Variants in HIVEP2 observed in about 807,000 individuals in gnomAD.
HIVEP2 encodes transcription factor HIVEP2.
HIVEP2 carries 14 observed loss-of-function variants against 180.7 expected under a neutral mutation model. The observed-to-expected ratio is 0.08, with a 90% confidence interval of 0.05 to 0.12. The LOEUF (loss-of-function observed/expected upper bound fraction) is 0.12. Ranked by LOEUF, HIVEP2 falls within the 10% of genes least tolerant of loss-of-function variation. The pLI, the probability that HIVEP2 is intolerant of heterozygous loss-of-function variation, is 1.00. For missense variants in HIVEP2, 2,579 were observed against 3,008.5 expected (o/e 0.86, Z 3.34); for synonymous variants, 1,184 against 1,136.4 (o/e 1.04, Z -0.84).
chr6:142,928,236 A>G (rs1248091858), intron 1 of HIVEP2, among the ~76,000 whole-genome samples: 2 of 152,204 alleles, frequency 1.3e-5, no homozygotes, highest in Non-Finnish European at 2.9e-5. Context: ...GAGAAGCTAA[A>G]ACTACCCTAA....
chr6:142,762,070 C>T (rs1775256496), intron 7 of HIVEP2, among the ~76,000 whole-genome samples: 1 of 152,176 alleles, frequency 6.6e-6, no homozygotes, highest in Non-Finnish European at 1.5e-5. Context: ...AAGAAAAATA[C>T]ATACAAACTA....
intron 1 of HIVEP2, among the ~76,000 whole-genome samples, chr6:142,852,361 C>G (rs1208718714): frequency 2.0e-5 from 3 of 151,946 alleles, no homozygotes; most frequent in African/African-American, 7.3e-5. Context: ...ATTATTTATT[C>G]AACAAACAAT....
intron 1 of HIVEP2, among the ~76,000 whole-genome samples, chr6:142,930,070 A>G (rs1269956921): frequency 6.6e-6 from 1 of 151,832 alleles, no homozygotes; most frequent in Non-Finnish European, 1.5e-5. Flanking sequence ...CTCCCAAGAT[A>G]TGTGATGACA....
At chr6:142,849,517 A>ATTTAT (rs1775595260) in intron 1 of HIVEP2, among the ~76,000 whole-genome samples, 2 of 131,710 alleles carry the variant, frequency 1.5e-5, no homozygotes, top group African/African-American at 5.1e-5. Context: ...TTATTTATTT[A>ATTTAT]TTTTTTTTTT....
At position 142,772,868 on chromosome 6, in the gene HIVEP2, T is replaced by G. The variant is rs1440975030; in HGVS notation, c.1871A>C (p.Lys624Thr). 6.2e-7 allele frequency: 1 copy of G among 1,614,082 alleles called. No individual in the cohort carries two copies. Among genetic ancestry groups the G allele is most frequent in the East Asian group, 2.2e-5 (1 of 44,900 alleles). The change falls in exon 5 of 10, where the codon AAG (lysine) becomes ACG (threonine). Residue 624 changes from lysine to threonine, a missense_variant. Coordinates refer to ENST00000367603, the MANE Select transcript of HIVEP2 (RefSeq NM_006734.4). The surrounding 1 kb of genome is among the most constrained non-coding windows in gnomAD (Gnocchi z 4.9). The stretch of plus-strand genomic sequence containing the variant: ...GTCCCCAGGAGACAATTTCTTTTCC[T>G]TCAGGGATGAACTGCTGATACCCTT... ...MLKGISSSSLKEKKLSPGDRV... is the reference protein window; with the variant it reads ...MLKGISSSSLTEKKLSPGDRV...
chr6:142,856,417 A>C (rs1462320053), intron 1 of HIVEP2, among the ~76,000 whole-genome samples: 1 of 152,234 alleles, frequency 6.6e-6, no homozygotes, highest in Non-Finnish European at 1.5e-5. Flanking sequence ...AGTCATATGC[A>C]AGGAGTTGAC....
chr6:142,810,102 G>A (rs151001832), intron 2 of HIVEP2, among the ~76,000 whole-genome samples: 217 of 152,096 alleles, frequency 1.4e-3, no homozygotes, highest in Admixed American at 5.1e-3. Context: ...ACATCACATC[G>A]TCCATAGGGA....
chr6:142,921,882 A>G (rs1777690965), intron 1 of HIVEP2, among the ~76,000 whole-genome samples: 1 of 152,218 alleles, frequency 6.6e-6, no homozygotes, highest in Admixed American at 6.5e-5. Flanking sequence ...ATCACCCTAA[A>G]TAGCAAATGA....
At chr6:142,832,401 C>G (rs945814811) in intron 2 of HIVEP2, among the ~76,000 whole-genome samples, 4 of 151,886 alleles carry the variant, frequency 2.6e-5, no homozygotes, top group Non-Finnish European at 5.9e-5. Flanking sequence ...AGTGCAAGTA[C>G]AAAAATGCAT....
At chr6:142,920,250 A>G (rs1777652377) in intron 1 of HIVEP2, among the ~76,000 whole-genome samples, 1 of 152,236 alleles carries the variant, frequency 6.6e-6, no homozygotes, top group Non-Finnish European at 1.5e-5. Context: ...TATCCCTTCT[A>G]TCATATTCTG....
At chr6:142,922,343 T>A (rs1777702694) in intron 1 of HIVEP2, among the ~76,000 whole-genome samples, 1 of 152,180 alleles carries the variant, frequency 6.6e-6, no homozygotes, top group South Asian at 2.1e-4. Context: ...TATTCCAATA[T>A]CCTAATTCTT....
intron 1 of HIVEP2, among the ~76,000 whole-genome samples, chr6:142,884,565 T>C (rs1776651576): frequency 6.6e-6 from 1 of 152,104 alleles, no homozygotes; most frequent in Non-Finnish European, 1.5e-5. Flanking sequence ...TTCATTCACA[T>C]CAGAAGAGAA....
chr6:142,784,390 G>A (rs568056194), intron 2 of HIVEP2, among the ~76,000 whole-genome samples: 4 of 152,192 alleles, frequency 2.6e-5, no homozygotes, highest in African/African-American at 7.2e-5. Flanking sequence ...AACAGTTAAA[G>A]TGTGCTTTCC....
intron 1 of HIVEP2, among the ~76,000 whole-genome samples, chr6:142,940,197 T>G (rs1778142989): frequency 6.6e-6 from 1 of 152,226 alleles, no homozygotes; most frequent in Non-Finnish European, 1.5e-5. Flanking sequence ...GAATTGGTAG[T>G]TATTTATTAA....
chr6:142,779,652 A>G (rs1157088236), intron 3 of HIVEP2: 1 of 152,180 alleles, frequency 6.6e-6, no homozygotes. Flanking sequence ...AAAACAGCAT[A>G]AACTTCAAGT....
chr6:142,818,040 T>C (rs1241663556), intron 2 of HIVEP2, among the ~76,000 whole-genome samples: 2 of 151,330 alleles, frequency 1.3e-5, no homozygotes, highest in Non-Finnish European at 1.5e-5. Flanking sequence ...AAAAATAAAC[T>C]AAATCTCAAA....
At chr6:142,827,536 G>A (rs1562253932) in intron 2 of HIVEP2, among the ~76,000 whole-genome samples, 2 of 152,208 alleles carry the variant, frequency 1.3e-5, no homozygotes, top group African/African-American at 4.8e-5. Context: ...GCACGCACGT[G>A]CACGCACTTC....
chr6:142,843,626 A>G (rs545155207), intron 1 of HIVEP2, among the ~76,000 whole-genome samples: 5 of 152,322 alleles, frequency 3.3e-5, no homozygotes, highest in Admixed American at 2.0e-4. Flanking sequence ...GGTTATAGAT[A>G]TTATCATTGG....
chr6:142,924,604 A>G (rs1043459327), intron 1 of HIVEP2, among the ~76,000 whole-genome samples: 11 of 152,368 alleles, frequency 7.2e-5, no homozygotes, highest in African/African-American at 2.6e-4. Context: ...AAACAGAACT[A>G]TAGTTTTGGT....
Sources: allele counts gnomAD v4.1 joint callset (sites outside exome capture counted in the v4.1 genomes callset), GRCh38; gene constraint gnomAD v4.1.1; non-coding constraint Gnocchi (gnomAD v3.1); transcripts MANE v1.5; gene names NCBI Gene and HGNC (gene_info 2026-07-23, HGNC 2026-07-21).